Variants in FRS2 observed in about 807,000 individuals in gnomAD.
FRS2 encodes fibroblast growth factor receptor substrate 2.
Under a neutral mutation model 43.9 loss-of-function variants are expected in FRS2, and 8 were observed. That is an observed-to-expected ratio of 0.18 (90% CI 0.11 to 0.33). The LOEUF is 0.33. FRS2 is among the 10% of genes least tolerant of loss of function. FRS2 has a pLI of 1.00. For synonymous variants in FRS2, 219 were observed against 220.3 expected (o/e 0.99, Z 0.05); for missense variants, 534 against 627.6 (o/e 0.85, Z 1.59).
rs532392078 is a variant in FRS2, at chr12:69,490,585, C to T, written c.-261+20055C>T. On this transcript the variant is annotated intron_variant, in intron 1 of 8. Coordinates refer to ENST00000549921, the MANE Select transcript of FRS2 (RefSeq NM_001278356.2). Reference sequence around the variant, plus strand: ...TGTATATAGCCATTTGAGATCTAGACCATAACCAGAAATTTCAGCCAGATG... The same window carrying T: ...TGTATATAGCCATTTGAGATCTAGATCATAACCAGAAATTTCAGCCAGATG... Among the ~76,000 whole-genome samples the T allele has an allele frequency of 2.0e-5, 3 of 152,148 alleles. No individual in the cohort carries two copies. In the South Asian group the frequency reaches 6.2e-4, roughly 32 times the overall value.
At chr12:69,505,645 A>G (rs757130976) in intron 1 of FRS2, among the ~76,000 whole-genome samples, 3 of 152,242 alleles carry the variant, frequency 2.0e-5, no homozygotes, top group African/African-American at 4.8e-5. Context: ...GACAGATAGC[A>G]TCTCATTTCC....
intron 4 of FRS2, among the ~76,000 whole-genome samples, chr12:69,566,911 T>C (rs1161313779): frequency 2.0e-5 from 3 of 152,244 alleles, no homozygotes; most frequent in African/African-American, 4.8e-5. Flanking sequence ...CAGTCTACCC[T>C]GTAGTCCAGT....
chr12:69,482,612 A>T (rs899520872), intron 1 of FRS2, among the ~76,000 whole-genome samples: 3 of 152,254 alleles, frequency 2.0e-5, no homozygotes, highest in African/African-American at 7.2e-5. Context: ...AGCACAGTCC[A>T]GAGGTAATAA....
chr12:69,495,155 G>C (rs1353486319), intron 1 of FRS2, among the ~76,000 whole-genome samples: 1 of 152,200 alleles, frequency 6.6e-6, no homozygotes, highest in Non-Finnish European at 1.5e-5. Context: ...GGGAGCTGAA[G>C]AACAGTGATG....
chr12:69,521,722 C>G (rs1200169571), intron 1 of FRS2, among the ~76,000 whole-genome samples: 1 of 152,152 alleles, frequency 6.6e-6, no homozygotes, highest in Non-Finnish European at 1.5e-5. Context: ...TCACGCCATT[C>G]TCCTGCCTCA....
chr12:69,523,124 G>C (rs1355538310), intron 1 of FRS2, among the ~76,000 whole-genome samples: 2 of 152,208 alleles, frequency 1.3e-5, no homozygotes, highest in Non-Finnish European at 2.9e-5. Context: ...TTCAGGTCCT[G>C]AATATCTTTG....
intron 1 of FRS2, among the ~76,000 whole-genome samples, chr12:69,486,824 C>G (rs1431575438): frequency 6.6e-6 from 1 of 152,162 alleles, no homozygotes; most frequent in Non-Finnish European, 1.5e-5. Context: ...AAGCCAAAGC[C>G]TAATCCAGAG....
At chr12:69,504,992 C>A (rs1167284619) in intron 1 of FRS2, among the ~76,000 whole-genome samples, 5 of 152,174 alleles carry the variant, frequency 3.3e-5, no homozygotes, top group Admixed American at 2.6e-4. Flanking sequence ...TGCCACCATG[C>A]TGGGCTAATT....
chr12:69,552,843 G>A (rs1879013188), intron 3 of FRS2, among the ~76,000 whole-genome samples: 1 of 151,218 alleles, frequency 6.6e-6, no homozygotes, highest in Non-Finnish European at 1.5e-5. Flanking sequence ...AGTGAGCCAA[G>A]ATCGCACTGT....
At chr12:69,489,407 C>T (rs1296252599) in intron 1 of FRS2, among the ~76,000 whole-genome samples, 1 of 152,124 alleles carries the variant, frequency 6.6e-6, no homozygotes, top group East Asian at 1.9e-4. Flanking sequence ...AGGTGGCTTC[C>T]GCCTATAATC....
intron 3 of FRS2, among the ~76,000 whole-genome samples, chr12:69,543,075 C>A (rs149896613): frequency 6.6e-6 from 1 of 152,166 alleles, no homozygotes; most frequent in Non-Finnish European, 1.5e-5. Flanking sequence ...TATACTTGCT[C>A]ACATTGATAA....
chr12:69,560,785 A>T (rs1003849560), intron 3 of FRS2, among the ~76,000 whole-genome samples: 1 of 152,172 alleles, frequency 6.6e-6, no homozygotes, highest in Non-Finnish European at 1.5e-5. Context: ...CTTTTTTACT[A>T]AGTATCATAG....
chr12:69,514,909 G>A (rs1400317862), intron 1 of FRS2, among the ~76,000 whole-genome samples: 1 of 151,912 alleles, frequency 6.6e-6, no homozygotes, highest in Non-Finnish European at 1.5e-5. Context: ...AAATCATATG[G>A]CAGGAGAAGT....
intron 1 of FRS2, among the ~76,000 whole-genome samples, chr12:69,474,802 A>G (rs939736014): frequency 2.6e-5 from 4 of 152,334 alleles, no homozygotes; most frequent in Admixed American, 2.6e-4. Flanking sequence ...TCACTTATTT[A>G]TGTGTATGAC....
At chr12:69,540,932 G>A (rs934432526) in intron 3 of FRS2, among the ~76,000 whole-genome samples, 15 of 152,116 alleles carry the variant, frequency 9.9e-5, no homozygotes, top group African/African-American at 3.6e-4. Context: ...TTCCAAGAGA[G>A]GAGAGGCATT....
At chr12:69,485,144 CCCCTA>C (rs1871788375) in intron 1 of FRS2, among the ~76,000 whole-genome samples, 1 of 149,084 alleles carries the variant, frequency 6.7e-6, no homozygotes, top group Non-Finnish European at 1.5e-5. Context: ...CACTCTCACC[CCCCTA>C]AAACTCTTAA....
chr12:69,535,670 T>C (rs1287875345), intron 3 of FRS2, among the ~76,000 whole-genome samples: 1 of 152,178 alleles, frequency 6.6e-6, no homozygotes, highest in Non-Finnish European at 1.5e-5. Flanking sequence ...TTAAGTACAG[T>C]GTTATATTTA....
At position 69,579,360 on chromosome 12, in the gene FRS2, G is replaced by A. The variant is rs1372502133; in HGVS notation, c.*4405G>A. The A allele has an allele frequency of 6.6e-6, 1 of 152,490 alleles. No individual in the cohort carries two copies. The highest frequency in any genetic ancestry group is 2.4e-5 in the African/African-American group (1 of 41,388). 9.4% of individuals were successfully genotyped at this position (152,490 alleles called of 1,614,324 possible). On this transcript the variant is annotated 3_prime_UTR_variant, in exon 9 of 9. Transcript: ENST00000549921. The stretch of plus-strand genomic sequence containing the variant: ...AATGTGCTTTTTAAGCTTAATTTTT[G>A]TCATGACAACTAATTTTTTTTATCT...
chr12:69,472,213 A>G (rs943085566), intron 1 of FRS2, among the ~76,000 whole-genome samples: 1 of 150,310 alleles, frequency 6.7e-6, no homozygotes, highest in Non-Finnish European at 1.5e-5. Flanking sequence ...CAGACTCCTG[A>G]GTGGCTAGGA....
Sources: allele counts gnomAD v4.1 joint callset (sites outside exome capture counted in the v4.1 genomes callset), GRCh38; gene constraint gnomAD v4.1.1; transcripts MANE v1.5; gene names NCBI Gene and HGNC (gene_info 2026-07-23, HGNC 2026-07-21).